Variants in CHID1 observed in about 807,000 individuals in gnomAD.
CHID1 encodes chitinase domain-containing protein 1.
A neutral mutation model predicts 55.4 loss-of-function variants in CHID1; 44 were observed. That is an observed-to-expected ratio of 0.79 (90% CI 0.62 to 1.02). CHID1 has a LOEUF of 1.02. Among genes scored for constraint, CHID1 ranks in the 50% least tolerant of loss-of-function variants. The probability of loss-of-function intolerance (pLI) is 0.00; values close to 1 mark genes in which losing one functional copy is unlikely to be tolerated. For synonymous variants in CHID1, 216 were observed against 212.9 expected (o/e 1.01, Z -0.13); for missense variants, 491 against 515.3 (o/e 0.95, Z 0.46).
intron 8 of CHID1, 122 bp from the exon 9 acceptor site, chr11:884,291 T>C: frequency 1.5e-6 from 1 of 679,128 alleles, no homozygotes; most frequent in Non-Finnish European, 2.5e-6. Flanking sequence ...GGAAAAGTGT[T>C]CTTCTGGGGT....
chr11:878,852 A>G (rs1193642206), intron 10 of CHID1, among the ~76,000 whole-genome samples: 1 of 148,730 alleles, frequency 6.7e-6, no homozygotes, highest in East Asian at 2.0e-4. Context: ...ACACCCGGCT[A>G]ATTTTTTTTT....
At chr11:907,980 T>C (rs1852361998) in intron 1 of CHID1, among the ~76,000 whole-genome samples, 1 of 152,204 alleles carries the variant, frequency 6.6e-6, no homozygotes, top group Non-Finnish European at 1.5e-5. Context: ...TGCCCCACTT[T>C]GCCCTGTCTC....
intron 3 of CHID1, among the ~76,000 whole-genome samples, chr11:902,742 C>G (rs184807615): frequency 9.7e-4 from 147 of 152,326 alleles, no homozygotes; most frequent in Middle Eastern, 3.4e-3. Context: ...GGGGAACCCA[C>G]AGAGATCAGC....
chr11:904,648 G>A, intron 2 of CHID1, 58 bp downstream of exon 2: 5 of 1,597,898 alleles, frequency 3.1e-6, no homozygotes, highest in Non-Finnish European at 4.3e-6. Context: ...AGAAAGAAGA[G>A]GATGATGGAT....
chr11:912,322 CA>C (rs905019490), upstream of CHID1, among the ~76,000 whole-genome samples: 1 of 151,348 alleles, frequency 6.6e-6, no homozygotes, highest in Non-Finnish European at 1.5e-5. Flanking sequence ...CTCAAAAAAA[CA>C]AAAAAAAGAA....
chr11:889,178 G>GC (rs1458766790), intron 8 of CHID1, among the ~76,000 whole-genome samples: 5 of 152,154 alleles, frequency 3.3e-5, no homozygotes, highest in South Asian at 4.1e-4. Context: ...TCCCAGATCC[G>GC]AGGGGAGACG....
rs745841069 is a variant in CHID1 at position 868,467 on chromosome 11, G to A, written c.*1391C>T. On this transcript the variant is annotated 3_prime_UTR_variant, in exon 13 of 13. Transcript: ENST00000323578. Reference sequence around the variant, plus strand: ...TGTTGCCCAGCGTTCCTCCCGCCACGGCTTTCCAAAGTACTGGGATTACAG... The same window carrying A: ...TGTTGCCCAGCGTTCCTCCCGCCACAGCTTTCCAAAGTACTGGGATTACAG... 3.9e-5 allele frequency: 6 copies of A among 152,046 alleles called. No homozygotes were observed. The highest frequency in any genetic ancestry group is 1.9e-4 in the East Asian group (1 of 5,174). 9.4% of individuals were successfully genotyped at this position (152,046 alleles called of 1,614,324 possible).
At chr11:884,995 C>G (rs1170360625) in intron 8 of CHID1, among the ~76,000 whole-genome samples, 1 of 152,212 alleles carries the variant, frequency 6.6e-6, no homozygotes, top group Non-Finnish European at 1.5e-5. Context: ...GATCTATAAG[C>G]CAAGGGGAGA....
At chr11:884,672 A>C (rs2134186335) in intron 8 of CHID1, among the ~76,000 whole-genome samples, 1 of 152,210 alleles carries the variant, frequency 6.6e-6, no homozygotes, top group Non-Finnish European at 1.5e-5. Flanking sequence ...CCCTCACTGG[A>C]CCTCAGCAGG....
chr11:910,946 G>A (rs1187177096), upstream of CHID1: 1 of 403,952 alleles, frequency 2.5e-6, no homozygotes, highest in Non-Finnish European at 3.3e-6. Flanking sequence ...GTCGGGGCCG[G>A]GGCCGGGGCC....
chr11:895,668 C>A (rs901574495), intron 7 of CHID1, among the ~76,000 whole-genome samples: 6 of 152,154 alleles, frequency 3.9e-5, no homozygotes, highest in African/African-American at 1.4e-4. Flanking sequence ...GCAGGAAAAG[C>A]TGCCCCTGAG....
intron 7 of CHID1, among the ~76,000 whole-genome samples, chr11:893,742 A>G (rs1851028271): frequency 6.6e-6 from 1 of 152,124 alleles, no homozygotes; most frequent in South Asian, 2.1e-4. Context: ...GGGCCTGTGC[A>G]GTACCCCAGG....
chr11:884,146 G>T lies in CHID1; in HGVS notation c.725C>A (p.Thr242Lys), dbSNP rs146861158. Residue 242 changes from threonine (T) to lysine (K), a missense_variant, in exon 9 of 13, where the codon ACG becomes AAG. Physicochemically the swap from Thr to Lys is moderately conservative, Grantham distance 78. Transcript: ENST00000323578. ...GGCCAGCTGCTCAAACTCCTTGTGC[G>T]TGAACATGCCCAGCTGGTCGGTCCT... ...TPGTDQLGMF[T>K]HKEFEQLAPV... 6.2e-7 allele frequency: 1 copy of T among 1,614,080 alleles called. No homozygotes were observed. Among genetic ancestry groups the T allele is most frequent in the Non-Finnish European group, 8.5e-7 (1 of 1,179,960 alleles).
At chr11:913,141 G>GCCC (rs571704652), upstream of CHID1, among the ~76,000 whole-genome samples, 3 of 144,988 alleles carry the variant, frequency 2.1e-5, no homozygotes, top group African/African-American at 7.8e-5. Flanking sequence ...CAGGAAAATT[G>GCCC]CCCCCCCCCG....
intron 7 of CHID1, among the ~76,000 whole-genome samples, chr11:893,963 AAC>A (rs1338038281): frequency 1.3e-5 from 2 of 151,986 alleles, no homozygotes; most frequent in Non-Finnish European, 2.9e-5. Flanking sequence ...CTCTACTAAA[AAC>A]ACAAAGATTA....
At chr11:882,084 T>C (rs1005678349) in intron 10 of CHID1, among the ~76,000 whole-genome samples, 6 of 151,880 alleles carry the variant, frequency 4.0e-5, no homozygotes, top group Non-Finnish European at 8.8e-5. Context: ...CCCAGCACTT[T>C]GGGAGGCCAA....
chr11:905,201 CCCAAAGAAAG>C (rs1251350528), intron 1 of CHID1, among the ~76,000 whole-genome samples: 1 of 152,238 alleles, frequency 6.6e-6, no homozygotes, highest in African/African-American at 2.4e-5. Flanking sequence ...CTCCTTCAAA[CCCAAAGAAAG>C]CCAAACCATG....
intron 10 of CHID1, among the ~76,000 whole-genome samples, chr11:873,887 G>A (rs957978373): frequency 6.6e-6 from 1 of 152,124 alleles, no homozygotes; most frequent in Non-Finnish European, 1.5e-5. Context: ...AAAGGGCCAA[G>A]GAAAGCCAAA....
intron 7 of CHID1, among the ~76,000 whole-genome samples, chr11:896,101 C>T (rs1851259358): frequency 6.9e-6 from 1 of 144,172 alleles, no homozygotes; most frequent in Non-Finnish European, 1.5e-5. Context: ...ACCCCAGACA[C>T]AACGAGCCTG....
Sources: allele counts gnomAD v4.1 joint callset (sites outside exome capture counted in the v4.1 genomes callset), GRCh38; gene constraint gnomAD v4.1.1; transcripts MANE v1.5; gene names NCBI Gene and HGNC (gene_info 2026-07-23, HGNC 2026-07-21).